Variants in SPICE1 observed in about 807,000 individuals in gnomAD.
The protein encoded by SPICE1 is spindle and centriole associated protein 1.
Under a neutral mutation model 102.7 loss-of-function variants are expected in SPICE1, and 75 were observed. That is an observed-to-expected ratio of 0.73 (90% CI 0.61 to 0.88). The LOEUF is 0.88. Among genes scored for constraint, SPICE1 ranks in the 40% least tolerant of loss-of-function variants. SPICE1 has a pLI of 0.00. For missense variants in SPICE1, 979 were observed against 1,020.1 expected (o/e 0.96, Z 0.55); for synonymous variants, 308 against 350.3 (o/e 0.88, Z 1.35).
rs896172408 is a variant in SPICE1, at chr3:113,499,257, T to G, written c.291+182A>C. The G allele has an allele frequency of 1.1e-5, 6 of 551,286 alleles. No homozygotes were observed. The Admixed American group carries it at 2.1e-4, about 19-fold the overall frequency. 34.1% of individuals were successfully genotyped at this position (551,286 alleles called of 1,614,324 possible). ...AGCTGGTAAGTAGTAGAACAGGAAT[T>G]CAAACCACCAAACCAGACTCCAGTC... On this transcript the variant is annotated intron_variant, in intron 4 of 17. Coordinates refer to ENST00000295872, the MANE Select transcript of SPICE1 (RefSeq NM_144718.4).
chr3:113,447,536 A>G (rs1935546243), intron 16 of SPICE1, among the ~76,000 whole-genome samples: 1 of 152,202 alleles, frequency 6.6e-6, no homozygotes, highest in Non-Finnish European at 1.5e-5. Flanking sequence ...AAGAACGTGC[A>G]GGGATGGGGA....
intron 17 of SPICE1, 40 bp from the exon 18 acceptor site, chr3:113,445,400 A>G (rs1031248233): frequency 1.3e-6 from 2 of 1,532,494 alleles, no homozygotes; most frequent in Non-Finnish European, 1.8e-6. Context: ...GATGGTAATT[A>G]GAAACATGAG....
intron 7 of SPICE1, among the ~76,000 whole-genome samples, chr3:113,479,982 C>A (rs1383343601): frequency 2.0e-5 from 3 of 151,852 alleles, no homozygotes; most frequent in African/African-American, 7.3e-5. Flanking sequence ...ATAAAATAGG[C>A]AAACCACTAA....
chr3:113,475,444 A>G (rs539413611), intron 7 of SPICE1, among the ~76,000 whole-genome samples: 32 of 152,228 alleles, frequency 2.1e-4, no homozygotes, highest in African/African-American at 6.7e-4. Context: ...TGAGGCCAGC[A>G]TCATCCTGAT....
intron 7 of SPICE1, among the ~76,000 whole-genome samples, chr3:113,487,873 A>G (rs777290452): frequency 2.6e-5 from 4 of 152,224 alleles, no homozygotes; most frequent in Non-Finnish European, 4.4e-5. Flanking sequence ...CCCAAAATGC[A>G]TAAGTAAGCT....
Position 113,442,895 on chromosome 3 carries a change from G to A in SPICE1, c.*2412C>T, listed in dbSNP as rs954205341. The stretch of plus-strand genomic sequence containing the variant: ...GGTGCCAGAAAAGATAGAAAACATA[G>A]GGTAAACTTATTTTTAAATAGCATG... On this transcript the variant is annotated 3_prime_UTR_variant, in exon 18 of 18. Transcript: ENST00000295872. 2.6e-5 allele frequency: 4 copies of A among 152,010 alleles called. No homozygotes were observed. The highest frequency in any genetic ancestry group is 5.9e-5 in the Non-Finnish European group (4 of 67,998). 9.4% of individuals were successfully genotyped at this position (152,010 alleles called of 1,614,324 possible). A position where few individuals can be genotyped will look rare whatever the true frequency, so the allele number is the denominator to read the frequency against.
chr3:113,452,213 A>T (rs1935669548), intron 14 of SPICE1, among the ~76,000 whole-genome samples: 2 of 152,156 alleles, frequency 1.3e-5, no homozygotes, highest in Admixed American at 1.3e-4. Context: ...TGCACTATAA[A>T]ATGCAGACCT....
intron 10 of SPICE1, among the ~76,000 whole-genome samples, chr3:113,466,559 A>C (rs1449010330): frequency 1.3e-5 from 2 of 151,580 alleles, no homozygotes; most frequent in Non-Finnish European, 2.9e-5. Context: ...GCAGTGAGCC[A>C]AGATCATGCC....
At chr3:113,512,236 G>A (rs966656021) in intron 1 of SPICE1, among the ~76,000 whole-genome samples, 1 of 152,088 alleles carries the variant, frequency 6.6e-6, no homozygotes, top group African/African-American at 2.4e-5. Context: ...CCTGTGTACA[G>A]TAGGATAACA....
At chr3:113,490,066 C>G (rs7631082) in intron 6 of SPICE1, among the ~76,000 whole-genome samples, 31,699 of 151,908 alleles carry the variant, frequency 0.21, 3,578 homozygotes, top group African/African-American at 0.29. Context: ...ATTATCCAGT[C>G]TTATCTTGTT....
chr3:113,494,671 C>T (rs1006220401), intron 4 of SPICE1, among the ~76,000 whole-genome samples: 1 of 151,326 alleles, frequency 6.6e-6, no homozygotes, highest in South Asian at 2.1e-4. Context: ...GAAATATTCA[C>T]AATTGTGACC....
At chr3:113,493,109 G>C (rs1267546540) in intron 6 of SPICE1, 97 bp downstream of exon 6, 7 of 848,672 alleles carry the variant, frequency 8.2e-6, no homozygotes, top group Non-Finnish European at 1.3e-5. Context: ...ACTAGCACTT[G>C]TTGATATTTA....
intron 3 of SPICE1, among the ~76,000 whole-genome samples, chr3:113,501,302 A>G (rs1937003161): frequency 6.6e-6 from 1 of 152,200 alleles, no homozygotes; most frequent in African/African-American, 2.4e-5. Flanking sequence ...AACTACAACT[A>G]TAAAACTCTT....
intron 2 of SPICE1, among the ~76,000 whole-genome samples, chr3:113,505,243 T>C (rs1471275048): frequency 1.3e-5 from 2 of 152,186 alleles, no homozygotes; most frequent in South Asian, 2.1e-4. Context: ...CTCAAACTCA[T>C]GTTGTTCAAA....
chr3:113,466,608 CAAAA>C (rs540786121), intron 10 of SPICE1, among the ~76,000 whole-genome samples: 2 of 101,466 alleles, frequency 2.0e-5, no homozygotes, highest in African/African-American at 3.5e-5. Context: ...GACTCTGTCT[CAAAA>C]AAAAAAAAAA....
intron 11 of SPICE1, among the ~76,000 whole-genome samples, chr3:113,461,782 C>T (rs1935939408): frequency 6.6e-6 from 1 of 151,700 alleles, no homozygotes; most frequent in Non-Finnish European, 1.5e-5. Context: ...TAGAGAGATA[C>T]AGACATTTGA....
intron 12 of SPICE1, chr3:113,460,249 G>T: frequency 2.0e-6 from 2 of 984,142 alleles, no homozygotes; most frequent in Non-Finnish European, 2.4e-6. Context: ...GGGATTAAAA[G>T]TGCTAGCACT....
chr3:113,457,228 G>C lies in SPICE1; in HGVS notation c.1565C>G (p.Ala522Gly). The change falls in exon 13 of 18, where the codon GCC (alanine) becomes GGC (glycine). Residue 522 changes from alanine (A) to glycine (G), a missense_variant. Coordinates refer to ENST00000295872, the MANE Select transcript of SPICE1 (RefSeq NM_144718.4). ...VPDPPDNMNLAKNFPAHIFEP... is the reference protein window; with the variant it reads ...VPDPPDNMNLGKNFPAHIFEP... Reference sequence around the variant, plus strand: ...AAAAATATGTGCTGGAAAATTCTTGGCCAGATTCATGTTATCTGGAGGGTC... The same window carrying C: ...AAAAATATGTGCTGGAAAATTCTTGCCCAGATTCATGTTATCTGGAGGGTC... The C allele has an allele frequency of 1.2e-6, 2 of 1,614,134 alleles. No homozygotes were observed. The highest frequency in any genetic ancestry group is 1.7e-6 in the Non-Finnish European group (2 of 1,180,020).
chr3:113,506,683 G>GAA, intron 1 of SPICE1, 78 bp from the exon 2 acceptor site: 155 of 873,274 alleles, frequency 1.8e-4, no homozygotes, highest in East Asian at 2.7e-4. Flanking sequence ...GAAGACACCT[G>GAA]AAAAAAAAAA....
Sources: allele counts gnomAD v4.1 joint callset (sites outside exome capture counted in the v4.1 genomes callset), GRCh38; gene constraint gnomAD v4.1.1; transcripts MANE v1.5; gene names NCBI Gene and HGNC (gene_info 2026-07-23, HGNC 2026-07-21).